The following DNAJC7 variants were observed in gnomAD, a reference collection of about 807,000 sequenced individuals.
DNAJC7 encodes the protein DnaJ heat shock protein family (Hsp40) member C7.
In DNAJC7, 18 loss-of-function variants were observed where a neutral mutation model predicts 67.4. The observed-to-expected ratio is 0.27, with a 90% CI of 0.18 to 0.40. The LOEUF (loss-of-function observed/expected upper bound fraction) is 0.40, where lower values mean the gene tolerates loss of function less well. Ranked by LOEUF, DNAJC7 falls within the 10% of genes least tolerant of loss-of-function variation. The pLI, the probability that DNAJC7 is intolerant of heterozygous loss-of-function variation, is 1.00. For synonymous variants in DNAJC7, 220 were observed against 207.8 expected, an observed-to-expected ratio of 1.06 and a Z score of -0.50; for missense variants, 419 against 613.8, an observed-to-expected ratio of 0.68 and a Z score of 3.35.
At chr17:41,983,363 A>G (rs1431718521) in intron 10 of DNAJC7, among the ~76,000 whole-genome samples, 200 bp downstream of exon 10, 1 of 152,258 alleles carries the variant, frequency 6.6e-6, no homozygotes, top group East Asian at 1.9e-4. Context: ...ATCTCAGGTG[A>G]TCTGCCTGCC....
intron 8 of DNAJC7, 56 bp from the exon 9 acceptor site, chr17:41,987,966 GA>G (rs2051426254): frequency 2.1e-6 from 3 of 1,456,036 alleles, no homozygotes; most frequent in Admixed American, 1.9e-5. Flanking sequence ...AGGGAGCCCA[GA>G]AGCTGTGAGC....
intron 9 of DNAJC7, among the ~76,000 whole-genome samples, chr17:41,986,521 TCCC>T (rs1208640199): frequency 2.9e-4 from 41 of 143,150 alleles, no homozygotes; most frequent in Non-Finnish European, 4.1e-4. Context: ...TAGGTGATTC[TCCC>T]CCCGCCTTTT....
chr17:42,003,686 A>G (rs1303437008), intron 1 of DNAJC7: 2 of 152,114 alleles, frequency 1.3e-5, no homozygotes, highest in African/African-American at 4.8e-5. Context: ...GCACCTACTG[A>G]AACACACCAG....
intron 6 of DNAJC7, among the ~76,000 whole-genome samples, 166 bp downstream of exon 6, chr17:41,990,098 C>G (rs1490392679): frequency 6.6e-6 from 1 of 152,218 alleles, no homozygotes; most frequent in Non-Finnish European, 1.5e-5. Context: ...CTCCTGTATA[C>G]CCTACGGGTT....
intron 1 of DNAJC7, among the ~76,000 whole-genome samples, chr17:42,007,083 C>G (rs781959089): frequency 2.5e-4 from 38 of 149,852 alleles, no homozygotes; most frequent in Non-Finnish European, 5.2e-4. Flanking sequence ...GCCTGGGCAA[C>G]AGAGCAAGAT....
intron 1 of DNAJC7, among the ~76,000 whole-genome samples, chr17:42,004,426 AT>A (rs1279158237): frequency 1.3e-5 from 2 of 152,186 alleles, no homozygotes; most frequent in Admixed American, 1.3e-4. Flanking sequence ...ATTAAAACTA[AT>A]TTATCCAGTT....
At chr17:41,993,878 A>AG (rs1342581498) in intron 5 of DNAJC7, among the ~76,000 whole-genome samples, 1 of 150,938 alleles carries the variant, frequency 6.6e-6, no homozygotes, top group Non-Finnish European at 1.5e-5. Context: ...CTCTACTAAA[A>AG]AAAAAAAAAA....
intron 12 of DNAJC7, among the ~76,000 whole-genome samples, chr17:41,979,319 A>G (rs1555645531): frequency 6.6e-6 from 1 of 151,824 alleles, no homozygotes; most frequent in African/African-American, 2.4e-5. Context: ...AGCCTGGGTG[A>G]CAGAGTAAGA....
rs1426401520 is a variant in DNAJC7 at position 42,016,871 on chromosome 17, AGACTAGT to A, written c.77+462_77+468del. On this transcript the variant is annotated intron_variant, in intron 1 of 13. Coordinates refer to ENST00000457167, the MANE Select transcript of DNAJC7 (RefSeq NM_003315.4). ...GGAGACACACAATCACTTCGAACCCAGACTAGTGATCGCTGGGGTATAATTACAAGGG... is the reference window on the plus strand; with the variant it reads ...GGAGACACACAATCACTTCGAACCCAGATCGCTGGGGTATAATTACAAGGG... The A allele has an allele frequency of 5.7e-6, 5 of 875,920 alleles. No individual in the cohort carries two copies. The African/African-American group carries it at 7.4e-5, about 13-fold the overall frequency. The allele number at this position is 875,920 out of a possible 1,614,324, so 54.3% of individuals were successfully genotyped here.
At chr17:41,988,540 T>C (rs1555647212) in intron 8 of DNAJC7, among the ~76,000 whole-genome samples, 192 bp downstream of exon 8, 1 of 152,206 alleles carries the variant, frequency 6.6e-6, no homozygotes, top group African/African-American at 2.4e-5. Context: ...TCCTTGCAAA[T>C]TGTCCAACTG....
At chr17:41,996,923 G>C (rs1200861461) in intron 3 of DNAJC7, among the ~76,000 whole-genome samples, 192 bp downstream of exon 3, 1 of 152,170 alleles carries the variant, frequency 6.6e-6, no homozygotes, top group Admixed American at 6.6e-5. Flanking sequence ...CTGGGCAGAG[G>C]GGGTGCTACT....
intron 1 of DNAJC7, chr17:42,016,141 T>C (rs782381130): frequency 6.6e-6 from 1 of 152,216 alleles, no homozygotes; most frequent in Non-Finnish European, 1.5e-5. Flanking sequence ...TATTACACTT[T>C]GTCAGGCCCC....
At chr17:41,989,699 C>G (rs2051465216) in intron 6 of DNAJC7, 142 bp from the exon 7 acceptor site, 1 of 1,044,540 alleles carries the variant, frequency 9.6e-7, no homozygotes, top group Non-Finnish European at 1.4e-6. Flanking sequence ...AGAACTGTTC[C>G]CAAACTTTCC....
intron 9 of DNAJC7, 77 bp from the exon 10 acceptor site, chr17:41,983,713 G>T: frequency 7.6e-7 from 1 of 1,316,848 alleles, no homozygotes; most frequent in Non-Finnish European, 1.1e-6. Context: ...AGGGCAAGAG[G>T]CATGGCTCAA....
At position 41,976,736 on chromosome 17, in the gene DNAJC7, G is replaced by A; in HGVS notation, c.1482C>T (p.Gly494=). The A allele has an allele frequency of 6.2e-7, 1 of 1,609,442 alleles. No homozygotes were observed. Among genetic ancestry groups the A allele is most frequent in the Non-Finnish European group, 8.5e-7 (1 of 1,178,912 alleles). ...GGTTCTGGGTGGTTGCCCTTCATTAGCCAAATTGAAAAAAGAAATTCCCTG... is the reference window on the plus strand; with the variant it reads ...GGTTCTGGGTGGTTGCCCTTCATTAACCAAATTGAAAAAAGAAATTCCCTG... ...SGPGNFFFQF[G] is the part of the protein sequence containing the mutation. Residue 494 remains glycine, a synonymous_variant, in exon 14 of 14, where the codon GGC becomes GGT. Coordinates refer to ENST00000457167, the MANE Select transcript of DNAJC7 (RefSeq NM_003315.4).
intron 1 of DNAJC7, among the ~76,000 whole-genome samples, chr17:42,010,656 C>A (rs1027391913): frequency 6.6e-5 from 10 of 152,056 alleles, no homozygotes; most frequent in Non-Finnish European, 1.5e-4. Context: ...TGTCTCAGGG[C>A]AAACTGTCCA....
intron 1 of DNAJC7, among the ~76,000 whole-genome samples, chr17:42,008,403 T>G (rs1030906237): frequency 2.1e-5 from 2 of 96,066 alleles, no homozygotes; most frequent in Non-Finnish European, 4.0e-5. Flanking sequence ...TAGATATATA[T>G]ATATAGATAT....
Position 42,009,749 on chromosome 17 carries a change from C to T in DNAJC7, c.77+7591G>A, listed in dbSNP as rs1225876240. On this transcript the variant is annotated intron_variant, in intron 1 of 13. Coordinates refer to ENST00000457167, the MANE Select transcript of DNAJC7 (RefSeq NM_003315.4). The stretch of plus-strand genomic sequence containing the variant: ...CTTGTTTTCATAACATATCCCCAAA[C>T]CCACCATTTTCCATCCCTCGGTTCC... 3.3e-5 allele frequency among the ~76,000 whole-genome samples: 5 copies of T among 152,316 alleles called. No individual in the cohort carries two copies. The East Asian group carries it at 9.6e-4, about 29-fold the overall frequency.
chr17:41,982,953 C>T (rs1433586415), intron 10 of DNAJC7, among the ~76,000 whole-genome samples: 1 of 149,328 alleles, frequency 6.7e-6, no homozygotes, highest in Non-Finnish European at 1.5e-5. Context: ...GAGCAGGACT[C>T]CATCTTAAAA....
Sources: allele counts gnomAD v4.1 joint callset (sites outside exome capture counted in the v4.1 genomes callset), GRCh38; gene constraint gnomAD v4.1.1; transcripts MANE v1.5; gene names NCBI Gene and HGNC (gene_info 2026-07-23, HGNC 2026-07-21).